TCF7L2: variants seen among roughly 807,000 people sequenced by gnomAD.
TCF7L2 encodes transcription factor 7 like 2, also known as transcription factor 7-like 2.
A neutral mutation model predicts 77.9 loss-of-function variants in TCF7L2; 23 were observed. The observed-to-expected ratio is 0.30, with a 90% CI of 0.21 to 0.42. The LOEUF is 0.42. Among genes scored for constraint, TCF7L2 ranks in the 10% least tolerant of loss-of-function variants. TCF7L2 has a pLI of 1.00. For missense variants in TCF7L2, 654 were observed against 793.1 expected, an observed-to-expected ratio of 0.82 and a Z score of 2.11; for synonymous variants, 413 against 340.2, an observed-to-expected ratio of 1.21 and a Z score of -2.36.
At chr10:113,161,651 C>T in intron 13 of TCF7L2, 1 of 1,531,300 alleles carries the variant, frequency 6.5e-7, no homozygotes, top group South Asian at 1.2e-5. Context: ...GTAGTGCCTC[C>T]CTCGTCACGT....
chr10:113,118,943 A>G (rs1312119506), intron 5 of TCF7L2, among the ~76,000 whole-genome samples: 6 of 152,178 alleles, frequency 3.9e-5, no homozygotes, highest in Admixed American at 3.3e-4. Context: ...CGCATTCAGA[A>G]CTGGAGAATA....
chr10:112,967,146 G>T (rs1001002004), intron 4 of TCF7L2, among the ~76,000 whole-genome samples: 1 of 152,148 alleles, frequency 6.6e-6, no homozygotes, highest in Non-Finnish European at 1.5e-5. Context: ...TAATCTTTTC[G>T]CTCTGGATGT....
intron 5 of TCF7L2, among the ~76,000 whole-genome samples, chr10:113,102,265 A>G (rs1404716533): frequency 2.0e-5 from 3 of 152,118 alleles, no homozygotes; most frequent in East Asian, 1.9e-4. Flanking sequence ...CTGAATGACC[A>G]TGTGCAACTC....
intron 5 of TCF7L2, among the ~76,000 whole-genome samples, chr10:113,134,963 GA>G (rs1318876810): frequency 2.6e-5 from 4 of 152,372 alleles, no homozygotes; most frequent in African/African-American, 7.2e-5. Context: ...TATTGAAGAG[GA>G]GGGCCAAGGG....
At chr10:113,077,780 A>G (rs1591403566) in intron 5 of TCF7L2, among the ~76,000 whole-genome samples, 2 of 149,034 alleles carry the variant, frequency 1.3e-5, no homozygotes, top group African/African-American at 2.5e-5. Context: ...GCTCACTGCA[A>G]CCTCTGCCTC....
chr10:113,017,967 G>A (rs2047625927), intron 4 of TCF7L2, among the ~76,000 whole-genome samples: 2 of 152,134 alleles, frequency 1.3e-5, no homozygotes, highest in African/African-American at 4.8e-5. Flanking sequence ...TGTATTAAAA[G>A]GGCTGGAGAG....
At chr10:113,159,455 CTATTG>C (rs2072670314) in intron 12 of TCF7L2, among the ~76,000 whole-genome samples, 1 of 151,272 alleles carries the variant, frequency 6.6e-6, no homozygotes, top group Non-Finnish European at 1.5e-5. Context: ...TTTTTTTAAA[CTATTG>C]TATTCTGAGA....
Position 113,165,960 on chromosome 10 carries a change from G to C in TCF7L2, c.1797G>C (p.Lys599Asn), listed in dbSNP as rs1033924254. 6.5e-7 allele frequency: 1 copy of C among 1,529,838 alleles called. No homozygotes were observed. The highest frequency in any genetic ancestry group is 2.3e-5 in the East Asian group (1 of 43,850). The allele number at this position is 1,529,838 out of a possible 1,614,324, so 94.8% of individuals were successfully genotyped here. ...CCCAGCCGCTGTCGCTCGTCACCAAGTCTTTAGAATAGCTTTAGCGTCGTG... is the reference window on the plus strand; with the variant it reads ...CCCAGCCGCTGTCGCTCGTCACCAACTCTTTAGAATAGCTTTAGCGTCGTG... The change falls in exon 14 of 14, where the codon AAG becomes AAC. Residue 599 changes from lysine to asparagine, a missense_variant. Lys to Asn is a moderately conservative substitution (Grantham distance 94). Transcript: ENST00000627217.
chr10:113,134,766 C>T (rs920562885), intron 5 of TCF7L2, among the ~76,000 whole-genome samples: 4 of 152,222 alleles, frequency 2.6e-5, no homozygotes, highest in African/African-American at 7.2e-5. Flanking sequence ...GGTGTCCCTT[C>T]CTGATGCTGA....
At chr10:113,032,022 T>A (rs2050309095) in intron 4 of TCF7L2, among the ~76,000 whole-genome samples, 1 of 152,216 alleles carries the variant, frequency 6.6e-6, no homozygotes. Context: ...GGTTGTCCAA[T>A]GAAGAAATGA....
intron 5 of TCF7L2, among the ~76,000 whole-genome samples, chr10:113,077,852 G>GGCTT (rs1302308496): frequency 9.6e-5 from 14 of 145,872 alleles, no homozygotes; most frequent in African/African-American, 2.5e-4. Context: ...CACCACGCCT[G>GGCTT]GCTTGCTTAT....
chr10:113,142,235 C>G (rs1472852699), intron 6 of TCF7L2, among the ~76,000 whole-genome samples: 1 of 152,202 alleles, frequency 6.6e-6, no homozygotes, highest in Non-Finnish European at 1.5e-5. Flanking sequence ...GAACTCCTGA[C>G]CACCTCGGCC....
intron 5 of TCF7L2, among the ~76,000 whole-genome samples, chr10:113,068,895 A>G (rs1404139073): frequency 6.8e-6 from 1 of 147,884 alleles, no homozygotes; most frequent in African/African-American, 2.5e-5. Flanking sequence ...GTTGGCTCCC[A>G]ATTCTTTTTT....
Position 112,950,293 on chromosome 10 carries a change from T to TC in TCF7L2, c.-459dup, listed in dbSNP as rs1224481444. On this transcript the variant is annotated 5_prime_UTR_variant, in exon 1 of 14. Coordinates refer to ENST00000627217, the MANE Select transcript of TCF7L2 (RefSeq NM_001146274.2). The stretch of plus-strand genomic sequence containing the variant: ...ACTACTCCGTTCCTCCGGATTTCGA[T>TC]CCCCCTTTTTCTATCTGTCAATCAG... 1 of 226,934 alleles carries TC rather than the reference T, an allele frequency of 4.4e-6. No homozygotes were observed. The highest frequency in any genetic ancestry group is 8.7e-6 in the Non-Finnish European group (1 of 114,622). The allele number at this position is 226,934 out of a possible 1,614,324, so 14.1% of individuals were successfully genotyped here. A position where few individuals can be genotyped will look rare whatever the true frequency, so the allele number is the denominator to read the frequency against.
intron 4 of TCF7L2, among the ~76,000 whole-genome samples, chr10:113,012,375 G>A (rs1380763933): frequency 1.3e-5 from 2 of 152,154 alleles, no homozygotes; most frequent in Admixed American, 6.5e-5. Flanking sequence ...AAACCATCGG[G>A]ATAGTGTTCT....
rs950716332 is a variant in TCF7L2 at position 112,989,359 on chromosome 10, A to G, written c.450+24735A>G. Among the ~76,000 whole-genome samples the G allele has an allele frequency of 1.7e-3, 255 of 150,874 alleles. 2 individuals carry two copies. Among genetic ancestry groups the G allele is most frequent in the African/African-American group, 5.5e-3 (224 of 41,096 alleles). ...CCTGTCTCTGCCTCTGGAGTTCACC[A>G]TTAAAAAAAAAAAAAGAAAAAAAGC... is the stretch of plus-strand genomic sequence containing the variant. On this transcript the variant is annotated intron_variant, in intron 4 of 13. Coordinates refer to ENST00000627217, the MANE Select transcript of TCF7L2 (RefSeq NM_001146274.2).
intron 3 of TCF7L2, among the ~76,000 whole-genome samples, chr10:112,963,346 C>A (rs1221990826): frequency 6.6e-6 from 1 of 152,060 alleles, no homozygotes; most frequent in Non-Finnish European, 1.5e-5. Context: ...TTCCAGGGAG[C>A]AAGATACAAA....
Position 113,165,701 on chromosome 10 carries a change from A to T in TCF7L2, c.1538A>T (p.Gln513Leu). The T allele has an allele frequency of 6.2e-7, 1 of 1,601,458 alleles. No individual in the cohort carries two copies. Among genetic ancestry groups the T allele is most frequent in the Non-Finnish European group, 8.5e-7 (1 of 1,177,310 alleles). Residue 513 changes from glutamine (Q) to leucine (L), a missense_variant, in exon 14 of 14, where the codon CAG (glutamine) becomes CTG (leucine). Transcript: ENST00000627217. ...CGAGACGCCAAGTCACAGACTGAGC[A>T]GACCCAGCCTCTGTCGCTGTCCCTG... is the stretch of plus-strand genomic sequence containing the variant.
chr10:112,991,767 C>T (rs1472159453), intron 4 of TCF7L2, among the ~76,000 whole-genome samples: 1 of 152,090 alleles, frequency 6.6e-6, no homozygotes, highest in Non-Finnish European at 1.5e-5. Context: ...CCTCCTTGTG[C>T]TTTTTGGGGA....
Sources: allele counts gnomAD v4.1 joint callset (sites outside exome capture counted in the v4.1 genomes callset), GRCh38; gene constraint gnomAD v4.1.1; transcripts MANE v1.5; gene names NCBI Gene and HGNC (gene_info 2026-07-23, HGNC 2026-07-21).